THSD4: variants seen among roughly 807,000 people sequenced by gnomAD.
THSD4 encodes the protein thrombospondin type 1 domain containing 4, also known as thrombospondin type-1 domain-containing protein 4.
Under a neutral mutation model 119.0 loss-of-function variants are expected in THSD4, and 69 were observed. The observed-to-expected ratio is 0.58, with a 90% confidence interval of 0.48 to 0.71. The LOEUF (loss-of-function observed/expected upper bound fraction) is 0.71. Ranked by LOEUF, THSD4 falls within the 30% of genes least tolerant of loss-of-function variation. THSD4 has a pLI of 0.00. For missense variants in THSD4, 1,393 were observed against 1,391.1 expected (o/e 1.00, Z -0.02); for synonymous variants, 524 against 540.4 (o/e 0.97, Z 0.42).
At chr15:71,189,557 C>A (rs936895284) in intron 3 of THSD4, among the ~76,000 whole-genome samples, 3 of 152,152 alleles carry the variant, frequency 2.0e-5, no homozygotes, top group African/African-American at 7.2e-5. Context: ...GCAGTCCCAG[C>A]TACTCGGGAG....
At chr15:71,494,223 G>T (rs1324448394) in intron 7 of THSD4, among the ~76,000 whole-genome samples, 3 of 152,158 alleles carry the variant, frequency 2.0e-5, no homozygotes, top group African/African-American at 7.2e-5. Context: ...TGCAAACTGA[G>T]CATCTGCGGG....
chr15:71,555,904 A>G (rs765587271), intron 7 of THSD4, among the ~76,000 whole-genome samples: 2 of 152,136 alleles, frequency 1.3e-5, no homozygotes, highest in Non-Finnish European at 2.9e-5. Flanking sequence ...CATTTATTGA[A>G]TAGTCTTTCC....
chr15:71,515,897 A>T (rs1482465549), intron 7 of THSD4, among the ~76,000 whole-genome samples: 1 of 152,144 alleles, frequency 6.6e-6, no homozygotes, highest in Non-Finnish European at 1.5e-5. Context: ...CATCTTTTTC[A>T]GAGGATCAGC....
intron 17 of THSD4, among the ~76,000 whole-genome samples, chr15:71,776,370 G>C (rs1211802786): frequency 6.6e-6 from 1 of 152,158 alleles, no homozygotes; most frequent in East Asian, 1.9e-4. Context: ...GAATTTTCGT[G>C]AATCATTTTT....
intron 7 of THSD4, among the ~76,000 whole-genome samples, chr15:71,459,456 A>G (rs2047397003): frequency 6.6e-6 from 1 of 151,640 alleles, no homozygotes; most frequent in African/African-American, 2.4e-5. Context: ...TCACCCAGCA[A>G]AAAGGCCCAG....
intron 4 of THSD4, among the ~76,000 whole-genome samples, chr15:71,241,418 A>G (rs1420690583): frequency 6.6e-6 from 1 of 152,188 alleles, no homozygotes; most frequent in Non-Finnish European, 1.5e-5. Context: ...TTCCCAAAGC[A>G]ACATTTATTG....
intron 8 of THSD4, among the ~76,000 whole-genome samples, chr15:71,724,287 A>ATATATATATTTTTT: frequency 1.3e-4 from 5 of 37,288 alleles, no homozygotes; most frequent in African/African-American, 2.0e-4. Context: ...ATATATATAT[A>ATATATATATTTTTT]TTTTTTTTTT....
intron 8 of THSD4, among the ~76,000 whole-genome samples, chr15:71,685,725 T>C (rs2141039676): frequency 6.6e-6 from 1 of 152,280 alleles, no homozygotes; most frequent in Middle Eastern, 3.4e-3. Flanking sequence ...TCTCCTTTGA[T>C]ACTATACCAA....
In THSD4 at chr15:71,356,733, G is replaced by C. The variant is rs140615661; in HGVS notation, c.1016-54954G>C. The stretch of plus-strand genomic sequence containing the variant: ...GCAGGGTGCTGCCCTCTCTCATGGT[G>C]GTCCATCTATTTCCTGAAGCCCTGC... On this transcript the variant is annotated intron_variant, in intron 6 of 17. Coordinates refer to ENST00000261862, the MANE Select transcript of THSD4 (RefSeq NM_024817.3). Among the ~76,000 whole-genome samples the C allele has an allele frequency of 5.3e-5, 8 of 152,224 alleles. No homozygotes were observed. In the East Asian group the frequency reaches 1.5e-3, roughly 29 times the overall value.
chr15:71,771,459 T>A (rs868839220), intron 17 of THSD4, among the ~76,000 whole-genome samples: 14 of 152,166 alleles, frequency 9.2e-5, no homozygotes, highest in African/African-American at 2.7e-4. Context: ...TGGTAATGCC[T>A]TCAAAGATTT....
At chr15:71,680,737 C>T (rs1051598299) in intron 8 of THSD4, among the ~76,000 whole-genome samples, 1 of 152,154 alleles carries the variant, frequency 6.6e-6, no homozygotes, top group African/African-American at 2.4e-5. Context: ...GCTCTATAGC[C>T]TTCAGTCAGT....
At chr15:71,419,059 CTCTT>C (rs2046784457) in intron 7 of THSD4, among the ~76,000 whole-genome samples, 1 of 107,818 alleles carries the variant, frequency 9.3e-6, no homozygotes, top group African/African-American at 3.2e-5. Context: ...TGAGTCTTCT[CTCTT>C]TCTTAGTCTG....
chr15:71,199,639 G>GTGTGTGTGGTA (rs2043761274), intron 3 of THSD4, among the ~76,000 whole-genome samples: 1 of 93,960 alleles, frequency 1.1e-5, no homozygotes, highest in African/African-American at 5.0e-5. Context: ...TGTGTGTGGT[G>GTGTGTGTGGTA]TGTGTGTGGT....
chr15:71,253,629 A>G (rs1307637054), intron 5 of THSD4, among the ~76,000 whole-genome samples: 5 of 152,130 alleles, frequency 3.3e-5, no homozygotes, highest in African/African-American at 1.2e-4. Flanking sequence ...GCTGGTCTCG[A>G]AATCCAGACC....
At chr15:71,146,710 T>C (rs1046517236) in intron 2 of THSD4, among the ~76,000 whole-genome samples, 1 of 152,116 alleles carries the variant, frequency 6.6e-6, no homozygotes, top group African/African-American at 2.4e-5. Context: ...TCGGCCGCAG[T>C]CTTGTCTGTG....
intron 1 of THSD4, among the ~76,000 whole-genome samples, chr15:71,125,617 A>C (rs1224116627): frequency 1.3e-5 from 2 of 152,380 alleles, no homozygotes; most frequent in African/African-American, 2.4e-5. Context: ...GCGGCTGGCC[A>C]GCCAGGGCCA....
chr15:71,340,890 G>A (rs1238692638), intron 6 of THSD4, among the ~76,000 whole-genome samples: 4 of 152,008 alleles, frequency 2.6e-5, no homozygotes, highest in African/African-American at 7.2e-5. Flanking sequence ...GTGAGCCACC[G>A]TGCCCAGCCC....
chr15:71,464,902 T>G (rs1206866793), intron 7 of THSD4, among the ~76,000 whole-genome samples: 1 of 152,184 alleles, frequency 6.6e-6, no homozygotes, highest in African/African-American at 2.4e-5. Context: ...CCTTAAGTCC[T>G]CAATTCCCTA....
At chr15:71,321,264 GGTGGCTCAAGCCT>G (rs140011286) in intron 6 of THSD4, among the ~76,000 whole-genome samples, 2 of 151,648 alleles carry the variant, frequency 1.3e-5, no homozygotes, top group South Asian at 2.1e-4. Flanking sequence ...GGCCAGGCGC[GGTGGCTCAAGCCT>G]GTAATCCCAG....
Sources: gnomAD v4.1 joint callset for allele counts (sites outside exome capture counted in the v4.1 genomes callset) on GRCh38, gnomAD v4.1.1 for gene constraint, MANE v1.5 for transcripts, NCBI Gene and HGNC (gene_info 2026-07-23, HGNC 2026-07-21) for gene names.